Variants in TNFRSF13B observed in about 807,000 individuals in gnomAD.
TNFRSF13B encodes the protein TNF receptor superfamily member 13B.
In TNFRSF13B, 34 loss-of-function variants were observed where a neutral mutation model predicts 24.0. That is an observed-to-expected ratio of 1.41 (90% CI 1.08 to 1.88). The LOEUF is 1.88. Ranked by LOEUF, TNFRSF13B falls within the 40% of genes most tolerant of loss-of-function variation. TNFRSF13B has a pLI of 0.00. For synonymous variants in TNFRSF13B, 173 were observed against 150.3 expected (o/e 1.15, Z -1.10); for missense variants, 415 against 380.8 (o/e 1.09, Z -0.75).
intron 1 of TNFRSF13B, among the ~76,000 whole-genome samples, chr17:16,956,920 T>C (rs1197265859): frequency 6.6e-6 from 1 of 152,210 alleles, no homozygotes; most frequent in Non-Finnish European, 1.5e-5. Flanking sequence ...CTCTGCAAGA[T>C]ACTCCGATGG....
chr17:16,961,802 T>C (rs973470400), intron 1 of TNFRSF13B, among the ~76,000 whole-genome samples: 2 of 152,102 alleles, frequency 1.3e-5, no homozygotes, highest in African/African-American at 4.8e-5. Flanking sequence ...AAGTTTAGGA[T>C]AGAAAGTTAT....
chr17:16,961,683 T>C (rs1368601112), intron 1 of TNFRSF13B, among the ~76,000 whole-genome samples: 2 of 152,212 alleles, frequency 1.3e-5, no homozygotes, highest in African/African-American at 4.8e-5. Context: ...TGCCACTTCA[T>C]TGAATATGTC....
chr17:16,970,406 C>T (rs1345880348), intron 1 of TNFRSF13B, among the ~76,000 whole-genome samples: 2 of 152,124 alleles, frequency 1.3e-5, no homozygotes, highest in Middle Eastern at 3.2e-3. Flanking sequence ...GCTTGTGCCT[C>T]CTCACGGGCT....
In TNFRSF13B at chr17:16,939,565, C is replaced by T; in HGVS notation, c.864G>A (p.Glu288=). 1 of 1,613,516 alleles carries T rather than the reference C, an allele frequency of 6.2e-7. No individual in the cohort carries two copies. Among genetic ancestry groups the T allele is most frequent in the Non-Finnish European group, 8.5e-7 (1 of 1,179,742 alleles). The change falls in exon 5 of 5, where the codon GAG becomes GAA. Residue 288 remains glutamate (E), a synonymous_variant. Coordinates refer to ENST00000261652, the MANE Select transcript of TNFRSF13B (RefSeq NM_012452.3). ...GLGIVCVPAQ[E]GGPGA is the part of the protein sequence containing the mutation. ...CCCCCATTTATGCACCTGGGCCCCC[C>T]TCCTGGGCAGGCACACACACAATGC...
chr17:16,939,655 C>T lies in TNFRSF13B; in HGVS notation c.774G>A (p.Arg258=), dbSNP rs757425278. Residue 258 remains arginine, a synonymous_variant, in exon 5 of 5, where the codon AGG becomes AGA. Transcript: ENST00000261652. ...CTGTGGTCCTGGTGTGGCACCCCCA[C>T]CTTCCAGCACAAGTGGGGTCGGGGG... The part of the protein sequence containing the change: ...PGTPDPTCAG[R]WGCHTRTTVL... 1.1e-5 allele frequency: 17 copies of T among 1,612,332 alleles called. No individual in the cohort carries two copies. The East Asian group carries it at 2.9e-4, about 27-fold the overall frequency.
At chr17:16,948,335 TA>T (rs1020688725) in intron 3 of TNFRSF13B, among the ~76,000 whole-genome samples, 35 of 148,590 alleles carry the variant, frequency 2.4e-4, no homozygotes, top group East Asian at 1.4e-3. Flanking sequence ...CCCCCGGATC[TA>T]AAAAAAAAAG....
In TNFRSF13B at chr17:16,971,401, G is replaced by GATAAAT. The variant is rs1224125036; in HGVS notation, c.61+608_61+613dup. ...AAAACAAAAAAAAAGAAAGCTATAGGATAAATATAAATATAAATATATAAC... is the reference window on the plus strand; with the variant it reads ...AAAACAAAAAAAAAGAAAGCTATAGGATAAATATAAATATAAATATAAATATATAAC... On this transcript the variant is annotated intron_variant, in intron 1 of 4. Coordinates refer to ENST00000261652, the MANE Select transcript of TNFRSF13B (RefSeq NM_012452.3). Among the ~76,000 whole-genome samples the GATAAAT allele has an allele frequency of 6.6e-5, 10 of 150,528 alleles. No homozygotes were observed. In the South Asian group the frequency reaches 8.4e-4, roughly 13 times the overall value.
At chr17:16,956,772 C>T (rs1022800204) in intron 1 of TNFRSF13B, among the ~76,000 whole-genome samples, 1 of 152,202 alleles carries the variant, frequency 6.6e-6, no homozygotes, top group Non-Finnish European at 1.5e-5. Flanking sequence ...AAAAAGTCTA[C>T]TGTATGATTT....
intron 2 of TNFRSF13B, 149 bp from the exon 3 acceptor site, chr17:16,949,132 C>T: frequency 9.9e-7 from 1 of 1,008,470 alleles, no homozygotes; most frequent in Non-Finnish European, 1.5e-6. Context: ...TTACAATATA[C>T]ACATTGAAGA....
intron 3 of TNFRSF13B, chr17:16,941,237 G>T (rs1196352092): frequency 1.0e-6 from 1 of 987,528 alleles, no homozygotes; most frequent in African/African-American, 1.7e-5. Context: ...TGGGTCGCAC[G>T]ACACAGAGGG....
intron 3 of TNFRSF13B, among the ~76,000 whole-genome samples, chr17:16,946,962 C>T: frequency 6.6e-6 from 1 of 152,130 alleles, no homozygotes; most frequent in East Asian, 1.9e-4. Context: ...ATACCTTTCC[C>T]TTCTCTTTCT....
chr17:16,948,841 A>T lies in TNFRSF13B; in HGVS notation c.342T>A (p.Leu114=). ...TCCGCTGTCTCCTGAGCTCTGGTGG[A>T]AGGTTCACTGGGCTCCTGAGCTTGT... ...CENKLRSPVN[L]PPELRRQRSG... Residue 114 remains leucine, a synonymous_variant, in exon 3 of 5, where the codon CTT becomes CTA. Coordinates refer to ENST00000261652, the MANE Select transcript of TNFRSF13B (RefSeq NM_012452.3). The T allele has an allele frequency of 1.2e-6, 2 of 1,614,198 alleles. No homozygotes were observed. The highest frequency in any genetic ancestry group is 1.7e-6 in the Non-Finnish European group (2 of 1,180,030).
intron 3 of TNFRSF13B, among the ~76,000 whole-genome samples, chr17:16,945,996 A>C (rs1264688771): frequency 1.3e-5 from 2 of 152,200 alleles, no homozygotes; most frequent in African/African-American, 4.8e-5. Flanking sequence ...TGGCCAGCCC[A>C]CTTGTCCCAG....
At chr17:16,964,680 C>G (rs935781537) in intron 1 of TNFRSF13B, among the ~76,000 whole-genome samples, 2 of 152,140 alleles carry the variant, frequency 1.3e-5, no homozygotes, top group African/African-American at 4.8e-5. Context: ...TTAGTTAGGT[C>G]CTGGGAAAAC....
chr17:16,947,709 T>G (rs2087558709), intron 3 of TNFRSF13B, among the ~76,000 whole-genome samples: 1 of 152,170 alleles, frequency 6.6e-6, no homozygotes. Context: ...CAGATGCTGG[T>G]GAGGCTACAG....
At chr17:16,970,736 C>G (rs1477850607) in intron 1 of TNFRSF13B, among the ~76,000 whole-genome samples, 1 of 152,222 alleles carries the variant, frequency 6.6e-6, no homozygotes, top group Non-Finnish European at 1.5e-5. Flanking sequence ...GGTCACAGTT[C>G]TAGCTGGGTC....
chr17:16,944,568 G>A (rs571425184), intron 3 of TNFRSF13B, among the ~76,000 whole-genome samples: 7 of 152,232 alleles, frequency 4.6e-5, no homozygotes, highest in East Asian at 3.9e-4. Context: ...CCTTGTCCCC[G>A]TGTCACCTGC....
intron 2 of TNFRSF13B, among the ~76,000 whole-genome samples, chr17:16,949,192 G>A (rs532850848): frequency 6.6e-6 from 1 of 152,240 alleles, no homozygotes; most frequent in Non-Finnish European, 1.5e-5. Flanking sequence ...ATTTTGATGT[G>A]TAGTATTTTT....
chr17:16,963,631 G>T (rs1567656052), intron 1 of TNFRSF13B, among the ~76,000 whole-genome samples: 1 of 152,022 alleles, frequency 6.6e-6, no homozygotes, highest in East Asian at 1.9e-4. Context: ...CTCACTGCAA[G>T]CTCCACCTCC....
Sources: allele counts gnomAD v4.1 joint callset (sites outside exome capture counted in the v4.1 genomes callset), GRCh38; gene constraint gnomAD v4.1.1; transcripts MANE v1.5; gene names NCBI Gene and HGNC (gene_info 2026-07-23, HGNC 2026-07-21).